The following DONSON variants were observed in gnomAD, a reference collection of about 807,000 sequenced individuals.
DONSON encodes DNA replication fork stabilization factor DONSON.
Under a neutral mutation model 62.1 loss-of-function variants are expected in DONSON, and 43 were observed. The ratio of observed to expected loss-of-function variants is 0.69; its 90% confidence interval spans 0.54 to 0.89. The LOEUF (loss-of-function observed/expected upper bound fraction) is 0.89, where lower values mean the gene tolerates loss of function less well. Among genes scored for constraint, DONSON ranks in the 40% least tolerant of loss-of-function variants. The probability of loss-of-function intolerance (pLI) is 0.00; values close to 1 mark genes in which losing one functional copy is unlikely to be tolerated. For missense variants in DONSON, 696 were observed against 697.5 expected (o/e 1.00, Z 0.03); for synonymous variants, 266 against 264.6 (o/e 1.01, Z -0.05).
intron 1 of DONSON, among the ~76,000 whole-genome samples, 187 bp from the exon 2 acceptor site, chr21:33,587,789 G>C (rs1460273025): frequency 6.6e-6 from 1 of 152,164 alleles, no homozygotes; most frequent in East Asian, 1.9e-4. Flanking sequence ...TCAAAATTGA[G>C]GGGAACAGGG....
rs774312830 is a variant in DONSON at position 33,582,099 on chromosome 21, C to A, written c.1047-44G>T. The A allele has an allele frequency of 2.5e-6, 4 of 1,611,892 alleles. No individual in the cohort carries two copies. The South Asian group carries it at 4.4e-5, about 18-fold the overall frequency. On this transcript the variant is annotated intron_variant, in intron 6 of 9. Coordinates refer to ENST00000303071, the MANE Select transcript of DONSON (RefSeq NM_017613.4). ...TAGAGTCCCTATTTCACAAGCTGTT[C>A]CTGTGCAAATCTATTTCATGAGTCC... is the stretch of plus-strand genomic sequence containing the variant.
Position 33,585,280 on chromosome 21 carries a change from GCA to G in DONSON, c.607-514_607-513del, listed in dbSNP as rs1240539546. Among the ~76,000 whole-genome samples the G allele has an allele frequency of 2.0e-5, 3 of 151,954 alleles. No homozygotes were observed. The East Asian group carries it at 5.8e-4, about 29-fold the overall frequency. ...CTGTCACTGAGGCTAGAGTACAGTG[GCA>G]CAATCAGAGCTCACTGCAGTCTTGA... On this transcript the variant is annotated intron_variant, in intron 3 of 9. Transcript: ENST00000303071.
intron 7 of DONSON, 61 bp from the exon 8 acceptor site, chr21:33,581,561 T>A: frequency 7.0e-7 from 1 of 1,432,780 alleles, no homozygotes; most frequent in Non-Finnish European, 9.6e-7. Context: ...AAAGCAGTTA[T>A]CTTGATTCTG....
At chr21:33,579,708 T>C in intron 8 of DONSON, 146 bp from the exon 9 acceptor site, 1 of 629,708 alleles carries the variant, frequency 1.6e-6, no homozygotes, top group Non-Finnish European at 2.7e-6. Context: ...ATCTAAACAA[T>C]GTTATGTGAG....
rs2086571797 is a variant in DONSON at position 33,585,900 on chromosome 21, C to A, written c.606+78G>T. The A allele has an allele frequency of 3.0e-6, 4 of 1,332,264 alleles. No individual in the cohort carries two copies. In the African/African-American group the frequency reaches 5.8e-5, roughly 19 times the overall value. 82.5% of individuals were successfully genotyped at this position (1,332,264 alleles called of 1,614,324 possible). A position where few individuals can be genotyped will look rare whatever the true frequency, so the allele number is the denominator to read the frequency against. On this transcript the variant is annotated intron_variant, in intron 3 of 9. Transcript: ENST00000303071. ...CAAAGAAAAACTTAATGGAAGGCAG[C>A]ATCTGCTATTTTGCAAAGGAGAGCA...
At chr21:33,588,281 A>G in intron 1 of DONSON, 40 bp downstream of exon 1, 1 of 1,231,034 alleles carries the variant, frequency 8.1e-7, no homozygotes, top group Non-Finnish European at 1.0e-6. Context: ...AACCCACGAA[A>G]GACAAGAGCC....
rs148685935 is a variant in DONSON, at chr21:33,586,460, T to G, written c.403-279A>C. On this transcript the variant is annotated intron_variant, in intron 2 of 9. Transcript: ENST00000303071. ...GTTTTTACAGTTCTTTATGGTAGTA[T>G]AGATGTTTGTATTGAAGTAGAAATA... 4.8e-3 allele frequency among the ~76,000 whole-genome samples: 726 copies of G among 152,256 alleles called. 3 individuals carry two copies. Among genetic ancestry groups the G allele is most frequent in the Middle Eastern group, 0.01 (3 of 292 alleles).
At chr21:33,580,024 G>A (rs1408763104) in intron 8 of DONSON, among the ~76,000 whole-genome samples, 3 of 151,790 alleles carry the variant, frequency 2.0e-5, no homozygotes, top group South Asian at 2.1e-4. Context: ...GTGAAACCTC[G>A]TCTCTATTAA....
rs199575906 is a variant in DONSON at position 33,581,560 on chromosome 21, A to G, written c.1152-60T>C. On this transcript the variant is annotated intron_variant, in intron 7 of 9. Coordinates refer to ENST00000303071, the MANE Select transcript of DONSON (RefSeq NM_017613.4). ...ATCTCACCTAATGTGGAAAGCAGTTATCTTGATTCTGAATCACCTGAGACT... is the reference window on the plus strand; with the variant it reads ...ATCTCACCTAATGTGGAAAGCAGTTGTCTTGATTCTGAATCACCTGAGACT... 184 of 1,438,746 alleles carry G rather than the reference A, an allele frequency of 1.3e-4. 1 individual carries two copies. In the East Asian group the frequency reaches 4.0e-3, roughly 31 times the overall value. The allele number at this position is 1,438,746 out of a possible 1,614,324, so 89.1% of individuals were successfully genotyped here. A position where few individuals can be genotyped will look rare whatever the true frequency, so the allele number is the denominator to read the frequency against.
chr21:33,578,676 A>C (rs951633929), intron 9 of DONSON, among the ~76,000 whole-genome samples: 2 of 152,218 alleles, frequency 1.3e-5, no homozygotes, highest in Non-Finnish European at 2.9e-5. Context: ...TTCTAACTCT[A>C]AAAACCTTAA....
intron 7 of DONSON, 95 bp from the exon 8 acceptor site, chr21:33,581,595 CA>C (rs1054300649): frequency 8.0e-6 from 8 of 1,003,090 alleles, no homozygotes; most frequent in Non-Finnish European, 1.2e-5. Context: ...TCCTTTTCTC[CA>C]TAATGAAATG....
intron 4 of DONSON, 40 bp from the exon 5 acceptor site, chr21:33,583,706 TTTAA>T: frequency 2.1e-6 from 3 of 1,438,148 alleles, no homozygotes; most frequent in Non-Finnish European, 2.9e-6. Flanking sequence ...TTATTAAACA[TTTAA>T]TGCAATGTTT....
chr21:33,584,193 C>T (rs1252516069), intron 4 of DONSON, among the ~76,000 whole-genome samples: 1 of 150,926 alleles, frequency 6.6e-6, no homozygotes, highest in Admixed American at 6.6e-5. Flanking sequence ...TATAGGCACC[C>T]GCCACCACAC....
At chr21:33,587,152 G>A (rs1049311717) in intron 2 of DONSON, among the ~76,000 whole-genome samples, 1 of 152,184 alleles carries the variant, frequency 6.6e-6, no homozygotes, top group Non-Finnish European at 1.5e-5. Flanking sequence ...GGAGCAACGA[G>A]GTTCAGTGCT....
At chr21:33,585,914 C>T in intron 3 of DONSON, 64 bp downstream of exon 3, 1 of 1,501,642 alleles carries the variant, frequency 6.7e-7, no homozygotes, top group Non-Finnish European at 9.2e-7. Flanking sequence ...TGCTATTTTG[C>T]AAAGGAGAGC....
rs1601313321 is a variant in DONSON at position 33,581,597 on chromosome 21, T to C, written c.1152-97A>G. ...AATCACCTGAGACTCCTTTTCTCCA[T>C]AATGAAATGGAAATCCTCTTGCTAC... On this transcript the variant is annotated intron_variant, in intron 7 of 9. Coordinates refer to ENST00000303071, the MANE Select transcript of DONSON (RefSeq NM_017613.4). The C allele has an allele frequency of 3.0e-6, 3 of 990,892 alleles. No homozygotes were observed. The East Asian group carries it at 7.5e-5, about 25-fold the overall frequency. The allele number at this position is 990,892 out of a possible 1,614,324, so 61.4% of individuals were successfully genotyped here.
rs987899844 is a variant in DONSON at position 33,578,183 on chromosome 21, A to C, written c.*124T>G. ...TAGTAAAACACATTTAAAACCTTAG[A>C]TGCTACTGTAGTAAAAGTTATGTTT... On this transcript the variant is annotated 3_prime_UTR_variant, in exon 10 of 10. Transcript: ENST00000303071. 2.0e-6 allele frequency: 2 copies of C among 1,004,308 alleles called. No homozygotes were observed. Among genetic ancestry groups the C allele is most frequent in the East Asian group, 5.0e-5 (2 of 39,914 alleles). The allele number at this position is 1,004,308 out of a possible 1,614,324, so 62.2% of individuals were successfully genotyped here. A position where few individuals can be genotyped will look rare whatever the true frequency, so the allele number is the denominator to read the frequency against.
rs2145905767 is a variant in DONSON at position 33,584,725 on chromosome 21, C to T, written c.650G>A (p.Ser217Asn). ...AGCAGGGTGGAGCCAATAGATAAGG[C>T]TCTGCTGGAAGGTACAACGGAGCTC... ...SSELRCTFQQ[S>N]LIYWLHPALS... is the part of the protein sequence containing the mutation. Residue 217 changes from serine (S) to asparagine (N), a missense_variant, in exon 4 of 10, where the codon AGC (serine) becomes AAC (asparagine). Physicochemically the swap from Ser to Asn is conservative, Grantham distance 46. Coordinates refer to ENST00000303071, the MANE Select transcript of DONSON (RefSeq NM_017613.4). 1 of 1,610,836 alleles carries T rather than the reference C, an allele frequency of 6.2e-7. No individual in the cohort carries two copies. Among genetic ancestry groups the T allele is most frequent in the East Asian group, 2.2e-5 (1 of 44,826 alleles).
chr21:33,587,726 C>A (rs778518646), intron 1 of DONSON, 124 bp from the exon 2 acceptor site: 2 of 605,236 alleles, frequency 3.3e-6, no homozygotes, highest in East Asian at 3.0e-5. Flanking sequence ...TTCAGAGGCA[C>A]CCCATCCAAT....
Sources: gnomAD v4.1 joint callset for allele counts (sites outside exome capture counted in the v4.1 genomes callset) on GRCh38, gnomAD v4.1.1 for gene constraint, MANE v1.5 for transcripts, NCBI Gene and HGNC (gene_info 2026-07-23, HGNC 2026-07-21) for gene names.